The following MAP2K5 variants were observed in gnomAD, a reference collection of about 807,000 sequenced individuals.
MAP2K5 encodes the protein dual specificity mitogen-activated protein kinase kinase 5.
MAP2K5 carries 49 observed loss-of-function variants against 83.1 expected under a neutral mutation model. The ratio of observed to expected loss-of-function variants is 0.59; its 90% CI spans 0.47 to 0.75. The LOEUF is 0.75. Among genes scored for constraint, MAP2K5 ranks in the 30% least tolerant of loss-of-function variants. The pLI is 0.00. For synonymous variants in MAP2K5, 202 were observed against 191.8 expected (o/e 1.05, Z -0.44); for missense variants, 457 against 557.5 (o/e 0.82, Z 1.82).
At chr15:67,709,273 A>C (rs2141223412) in intron 16 of MAP2K5, among the ~76,000 whole-genome samples, 1 of 152,322 alleles carries the variant, frequency 6.6e-6, no homozygotes, top group Non-Finnish European at 1.5e-5. Flanking sequence ...TTTGTTAGCA[A>C]GAATCAATGT....
chr15:67,598,555 G>A (rs2085580306), intron 7 of MAP2K5, among the ~76,000 whole-genome samples: 1 of 152,202 alleles, frequency 6.6e-6, no homozygotes, highest in African/African-American at 2.4e-5. Context: ...CCCTGACAGT[G>A]TTGGATGCTT....
intron 17 of MAP2K5, among the ~76,000 whole-genome samples, chr15:67,739,501 G>T (rs2089444027): frequency 7.8e-5 from 6 of 76,790 alleles, no homozygotes; most frequent in South Asian, 5.7e-4. Context: ...TTTTTTTTGA[G>T]ATGGAGTCTC....
At chr15:67,582,751 G>T (rs372947501) in intron 4 of MAP2K5, among the ~76,000 whole-genome samples, 1 of 151,920 alleles carries the variant, frequency 6.6e-6, no homozygotes, top group Admixed American at 6.6e-5. Context: ...AGCCCAAGAG[G>T]TTGAGGCTAC....
intron 1 of MAP2K5, among the ~76,000 whole-genome samples, chr15:67,544,939 T>G (rs921239074): frequency 5.3e-5 from 8 of 152,212 alleles, no homozygotes; most frequent in African/African-American, 1.9e-4. Context: ...GTCATGCACA[T>G]ACAGATTTCC....
rs1262065216 is a variant in MAP2K5, at chr15:67,764,988, A to C, written c.1135-4614A>C. The stretch of plus-strand genomic sequence containing the variant: ...ATTTTGACGTAATTTTTAGATTTAC[A>C]TACAGTTGTAAGAAATAATACTGAG... On this transcript the variant is annotated intron_variant, in intron 19 of 21. Transcript: ENST00000178640. The surrounding 1 kb of genome is among the most constrained non-coding windows in gnomAD (Gnocchi z 4.9). Among the ~76,000 whole-genome samples the C allele has an allele frequency of 1.3e-5, 2 of 152,224 alleles. No homozygotes were observed. The highest frequency in any genetic ancestry group is 2.4e-5 in the African/African-American group (1 of 41,452).
At position 67,709,673 on chromosome 15, in the gene MAP2K5, T is replaced by C. The variant is rs909350043; in HGVS notation, c.1044+6265T>C. Among the ~76,000 whole-genome samples, 4 of 152,366 alleles carry C rather than the reference T, an allele frequency of 2.6e-5. No individual in the cohort carries two copies. The South Asian group carries it at 8.3e-4, about 32-fold the overall frequency. ...TAAGGAGAAAGTCCCACTCTCATTT[T>C]TTACTAAGTAATTATTCCATTTATA... On this transcript the variant is annotated intron_variant, in intron 16 of 21. Coordinates refer to ENST00000178640, the MANE Select transcript of MAP2K5 (RefSeq NM_145160.3).
intron 19 of MAP2K5, among the ~76,000 whole-genome samples, chr15:67,766,866 A>T (rs906515590): frequency 1.3e-5 from 2 of 152,218 alleles, no homozygotes; most frequent in Non-Finnish European, 2.9e-5. Context: ...TATGTGTGGC[A>T]TTCTCACCAT....
In MAP2K5 at chr15:67,781,434, GC is replaced by G. The variant is rs1008971993; in HGVS notation, c.1242+8684del. ...TTTCGGATACAGAGTTATTTGGGGG[GC>G]CAAATCTGCCTGCAGATAATTTGAG... is the stretch of plus-strand genomic sequence containing the variant. On this transcript the variant is annotated intron_variant, in intron 21 of 21. Transcript: ENST00000178640. The surrounding 1 kb of genome is among the most constrained non-coding windows in gnomAD (Gnocchi z 4.0). 3.3e-4 allele frequency among the ~76,000 whole-genome samples: 51 copies of G among 152,256 alleles called. No homozygotes were observed. The highest frequency in any genetic ancestry group is 3.4e-3 in the Middle Eastern group (1 of 294).
In MAP2K5 at chr15:67,780,068, C is replaced by G. The variant is rs1025141117; in HGVS notation, c.1242+7316C>G. 1.3e-5 allele frequency among the ~76,000 whole-genome samples: 2 copies of G among 152,192 alleles called. No homozygotes were observed. The highest frequency in any genetic ancestry group is 4.8e-5 in the African/African-American group (2 of 41,450). On this transcript the variant is annotated intron_variant, in intron 21 of 21. Coordinates refer to ENST00000178640, the MANE Select transcript of MAP2K5 (RefSeq NM_145160.3). The surrounding 1 kb of genome is among the most constrained non-coding windows in gnomAD (Gnocchi z 5.0). ...ACTTTACAGTTGCTTGCTTCCTTCT[C>G]TGAAGCCCTTCAGCATGTATTGTGT...
intron 17 of MAP2K5, among the ~76,000 whole-genome samples, chr15:67,731,068 G>C (rs1409601785): frequency 1.3e-5 from 2 of 152,176 alleles, no homozygotes; most frequent in Non-Finnish European, 2.9e-5. Context: ...ATCAGATGTT[G>C]GGCTGCAGCA....
chr15:67,780,892 A>G lies in MAP2K5; in HGVS notation c.1242+8140A>G, dbSNP rs561131125. 2.0e-5 allele frequency among the ~76,000 whole-genome samples: 3 copies of G among 152,322 alleles called. No homozygotes were observed. Among genetic ancestry groups the G allele is most frequent in the Non-Finnish European group, 2.9e-5 (2 of 68,022 alleles). The stretch of plus-strand genomic sequence containing the variant: ...GACCAGGTGGTGATCAGCAGCACAT[A>G]TGATCTTTGGTATGCATTCTGACCA... On this transcript the variant is annotated intron_variant, in intron 21 of 21. Coordinates refer to ENST00000178640, the MANE Select transcript of MAP2K5 (RefSeq NM_145160.3). This position sits in a 1 kb window ranked among gnomAD's most constrained non-coding sequence, Gnocchi z 5.0.
chr15:67,721,282 G>C (rs1283194648), intron 16 of MAP2K5, among the ~76,000 whole-genome samples: 1 of 152,032 alleles, frequency 6.6e-6, no homozygotes, highest in Non-Finnish European at 1.5e-5. Context: ...ATAAGTGCTT[G>C]ATTTATTTAT....
chr15:67,610,869 T>G (rs911709715), intron 8 of MAP2K5, among the ~76,000 whole-genome samples: 1 of 152,220 alleles, frequency 6.6e-6, no homozygotes, highest in African/African-American at 2.4e-5. Context: ...ACCCTAAAAT[T>G]TCCTTACTTT....
rs749971622 is a variant in MAP2K5, at chr15:67,646,486, A to C, written c.736+17A>C. On this transcript the variant is annotated intron_variant, in intron 11 of 21. Transcript: ENST00000178640. ...TCATGGATGGTGAGTTTTCCCTTTT[A>C]TAATACTTTTAAAATGATTTTTAGA... 1 of 1,445,852 alleles carries C rather than the reference A, an allele frequency of 6.9e-7. No homozygotes were observed. Among genetic ancestry groups the C allele is most frequent in the South Asian group, 1.2e-5 (1 of 81,806 alleles). 89.6% of individuals were successfully genotyped at this position (1,445,852 alleles called of 1,614,324 possible).
chr15:67,558,984 G>GA (rs1484450830), intron 2 of MAP2K5, among the ~76,000 whole-genome samples: 1 of 152,204 alleles, frequency 6.6e-6, no homozygotes, highest in Admixed American at 6.5e-5. Flanking sequence ...CAGGAAGAGG[G>GA]AAGCAAGAAG....
chr15:67,567,978 T>G (rs2084875310), intron 3 of MAP2K5, among the ~76,000 whole-genome samples: 1 of 152,184 alleles, frequency 6.6e-6, no homozygotes, highest in African/African-American at 2.4e-5. Flanking sequence ...AGCCAATACA[T>G]CTTGCTTTTG....
chr15:67,548,939 C>A, intron 1 of MAP2K5: 3 of 1,054,628 alleles, frequency 2.8e-6, no homozygotes, highest in Admixed American at 3.3e-5. Flanking sequence ...ACTATAGAGG[C>A]AAGACTATTA....
In MAP2K5 at chr15:67,799,076, G is replaced by A. The variant is rs1028068824; in HGVS notation, c.1243-7570G>A. Among the ~76,000 whole-genome samples, 21 of 152,256 alleles carry A rather than the reference G, an allele frequency of 1.4e-4. 1 individual carries two copies. The highest frequency in any genetic ancestry group is 2.0e-4 in the Admixed American group (3 of 15,288). On this transcript the variant is annotated intron_variant, in intron 21 of 21. Coordinates refer to ENST00000178640, the MANE Select transcript of MAP2K5 (RefSeq NM_145160.3). ...CCCAGCTACTCAGGAGGCTGAGGCA[G>A]GAGAATTGCTTGAACCTGGGAGGCG...
At chr15:67,622,951 A>G (rs2086221811) in intron 8 of MAP2K5, among the ~76,000 whole-genome samples, 1 of 151,966 alleles carries the variant, frequency 6.6e-6, no homozygotes. Context: ...ACAAAAACAA[A>G]ATTAGCCGGG....
Sources: allele counts gnomAD v4.1 joint callset (sites outside exome capture counted in the v4.1 genomes callset), GRCh38; gene constraint gnomAD v4.1.1; non-coding constraint Gnocchi (gnomAD v3.1); transcripts MANE v1.5; gene names NCBI Gene and HGNC (gene_info 2026-07-23, HGNC 2026-07-21).